XIRP2: variants seen among roughly 807,000 people sequenced by gnomAD.
XIRP2 encodes the protein xin actin binding repeat containing 2.
In XIRP2, 236 loss-of-function variants were observed where a neutral mutation model predicts 277.0. That is an observed-to-expected ratio of 0.85 (90% CI 0.77 to 0.95). The LOEUF (loss-of-function observed/expected upper bound fraction) is 0.95, where lower values mean the gene tolerates loss of function less well. Among genes scored for constraint, XIRP2 ranks in the 40% least tolerant of loss-of-function variants. The pLI is 0.00. For synonymous variants in XIRP2, 1,490 were observed against 1,416.5 expected (o/e 1.05, Z -1.17); for missense variants, 4,640 against 4,157.5 (o/e 1.12, Z -3.19).
At position 167,243,853 on chromosome 2, in the gene XIRP2, A is replaced by T; in HGVS notation, c.2461A>T (p.Lys821Ter). The change falls in exon 9 of 11, where the codon AAA (lysine) becomes TAA (stop). Residue 821 changes from lysine to a stop codon, truncating the protein, a stop_gained. Coordinates refer to ENST00000409195, the MANE Select transcript of XIRP2 (RefSeq NM_152381.6). LOFTEE classifies it high-confidence loss of function. ...LFETQPLEKI[K>*]ESEEVIIEKE... Reference sequence around the variant, plus strand: ...TGAAACCCAACCTTTGGAGAAAATCAAAGAGTCAGAAGAGGTCATCATTGA... The same window carrying T: ...TGAAACCCAACCTTTGGAGAAAATCTAAGAGTCAGAAGAGGTCATCATTGA... 6.2e-7 allele frequency: 1 copy of T among 1,613,982 alleles called. No individual in the cohort carries two copies. The highest frequency in any genetic ancestry group is 8.5e-7 in the Non-Finnish European group (1 of 1,179,946).
At chr2:167,208,310 C>CT (rs890586515) in intron 3 of XIRP2, among the ~76,000 whole-genome samples, 2 of 151,934 alleles carry the variant, frequency 1.3e-5, no homozygotes, top group African/African-American at 2.4e-5. Context: ...TTATCATTCC[C>CT]TTTTTTTTGA....
At chr2:167,082,871 C>T (rs1025455550) in intron 2 of XIRP2, among the ~76,000 whole-genome samples, 6 of 151,978 alleles carry the variant, frequency 3.9e-5, no homozygotes, top group African/African-American at 1.5e-4. Context: ...AGGTTGTGAA[C>T]ATTTTCTCCC....
chr2:167,187,025 CTTGACTCTTAAAAGA>C (rs1401194023), intron 3 of XIRP2, among the ~76,000 whole-genome samples: 3 of 152,096 alleles, frequency 2.0e-5, no homozygotes, highest in Non-Finnish European at 4.4e-5. Flanking sequence ...TTTTCATATT[CTTGACTCTTAAAAGA>C]TTGAAAGTAT....
At chr2:166,929,068 A>G (rs1180834730) in intron 2 of XIRP2, among the ~76,000 whole-genome samples, 1 of 152,110 alleles carries the variant, frequency 6.6e-6, no homozygotes, top group African/African-American at 2.4e-5. Flanking sequence ...ATCCCCAACC[A>G]GCAGCCTCAG....
intron 2 of XIRP2, among the ~76,000 whole-genome samples, chr2:167,007,703 TCACACACACA>T (rs57336666): frequency 4.2e-4 from 55 of 130,152 alleles, no homozygotes; most frequent in South Asian, 1.7e-3. Flanking sequence ...TCTCTCTCTC[TCACACACACA>T]CACACACACA....
At chr2:167,165,561 CATT>C (rs1404099076) in intron 3 of XIRP2, among the ~76,000 whole-genome samples, 4 of 152,152 alleles carry the variant, frequency 2.6e-5, no homozygotes, top group African/African-American at 7.2e-5. Context: ...AGTGTTCTCT[CATT>C]GTTGTTTTAA....
At chr2:167,179,514 G>A (rs1055759688) in intron 3 of XIRP2, among the ~76,000 whole-genome samples, 1 of 151,954 alleles carries the variant, frequency 6.6e-6, no homozygotes, top group East Asian at 1.9e-4. Flanking sequence ...TAGTGACAGG[G>A]TTTCACCGTA....
At chr2:167,107,972 A>G (rs1690656351) in intron 2 of XIRP2, among the ~76,000 whole-genome samples, 1 of 151,734 alleles carries the variant, frequency 6.6e-6, no homozygotes, top group Non-Finnish European at 1.5e-5. Context: ...GTGCATTTCA[A>G]TGAATTAGTT....
At chr2:166,919,514 C>T (rs1403787051) in intron 2 of XIRP2, among the ~76,000 whole-genome samples, 1 of 152,172 alleles carries the variant, frequency 6.6e-6, no homozygotes, top group African/African-American at 2.4e-5. Context: ...AATTAATCAA[C>T]ATGTTCTGAT....
intron 1 of XIRP2, among the ~76,000 whole-genome samples, chr2:166,895,614 G>A (rs535688331): frequency 2.0e-5 from 3 of 152,254 alleles, no homozygotes; most frequent in Admixed American, 6.5e-5. Flanking sequence ...TGCCACCTAC[G>A]TAGTCCCTTT....
intron 2 of XIRP2, among the ~76,000 whole-genome samples, chr2:167,082,371 G>C (rs1277637614): frequency 6.6e-6 from 1 of 152,038 alleles, no homozygotes; most frequent in East Asian, 1.9e-4. Flanking sequence ...TTGGTTCCAA[G>C]TCTTTGCTAT....
At position 167,210,840 on chromosome 2, in the gene XIRP2, T is replaced by C. The variant is rs745877847; in HGVS notation, c.668T>C (p.Met223Thr). The change falls in exon 4 of 11, where the codon ATG (methionine) becomes ACG (threonine). Residue 223 changes from methionine to threonine, a missense_variant. Met to Thr is a moderately conservative substitution (Grantham distance 81). Coordinates refer to ENST00000409195, the MANE Select transcript of XIRP2 (RefSeq NM_152381.6). ...LHEVVSLKER[M>T]ARYQAAVSRG... Reference sequence around the variant, plus strand: ...GAAGTGGTCTCCCTGAAGGAGCGGATGGCGAGGTACCAGGCAGCTGTTTCC... The same window carrying C: ...GAAGTGGTCTCCCTGAAGGAGCGGACGGCGAGGTACCAGGCAGCTGTTTCC... 1.9e-6 allele frequency: 3 copies of C among 1,614,164 alleles called. No individual in the cohort carries two copies. The Admixed American group carries it at 5.0e-5, about 27-fold the overall frequency.
chr2:167,142,319 G>A (rs945931945), intron 3 of XIRP2, among the ~76,000 whole-genome samples: 1 of 152,118 alleles, frequency 6.6e-6, no homozygotes, highest in African/African-American at 2.4e-5. Context: ...GGAGGCCAAG[G>A]TGGGCAGATC....
At position 166,945,519 on chromosome 2, in the gene XIRP2, G is replaced by A. The variant is rs573316807; in HGVS notation, c.408+41629G>A. ...CTAATTAAATTTTTATAAAAGTAACGTATCGGAAAGACAGCGGTAACCCAA... is the reference window on the plus strand; with the variant it reads ...CTAATTAAATTTTTATAAAAGTAACATATCGGAAAGACAGCGGTAACCCAA... On this transcript the variant is annotated intron_variant, in intron 2 of 10. Transcript: ENST00000409195. Among the ~76,000 whole-genome samples, 527 of 152,028 alleles carry A rather than the reference G, an allele frequency of 3.5e-3. 1 individual carries two copies. The highest frequency in any genetic ancestry group is 5.3e-3 in the Non-Finnish European group (359 of 67,998).
chr2:167,142,578 AAAG>A (rs1691752518), intron 3 of XIRP2, among the ~76,000 whole-genome samples: 1 of 152,056 alleles, frequency 6.6e-6, no homozygotes, highest in Non-Finnish European at 1.5e-5. Context: ...AAATAAAAAA[AAAG>A]AGAGAAAGAA....
At chr2:167,014,866 A>C (rs1400192955) in intron 2 of XIRP2, among the ~76,000 whole-genome samples, 1 of 151,772 alleles carries the variant, frequency 6.6e-6, no homozygotes, top group Non-Finnish European at 1.5e-5. Flanking sequence ...ATGGCTAATA[A>C]GTAATGGGGC....
chr2:167,202,161 G>A (rs1402001941), intron 3 of XIRP2, among the ~76,000 whole-genome samples: 1 of 152,042 alleles, frequency 6.6e-6, no homozygotes, highest in African/African-American at 2.4e-5. Flanking sequence ...ACACTCTACA[G>A]GCATTTGTAA....
intron 5 of XIRP2, among the ~76,000 whole-genome samples, chr2:167,237,707 A>G (rs1694942163): frequency 6.6e-6 from 1 of 152,194 alleles, no homozygotes; most frequent in African/African-American, 2.4e-5. Flanking sequence ...ACATGATTCT[A>G]TAGAAATGAT....
intron 2 of XIRP2, among the ~76,000 whole-genome samples, chr2:167,022,779 T>G (rs1173792077): frequency 1.3e-5 from 2 of 152,206 alleles, no homozygotes; most frequent in Non-Finnish European, 2.9e-5. Flanking sequence ...GGACATGAAC[T>G]CATCCTTTTT....
Sources: gnomAD v4.1 joint callset for allele counts (sites outside exome capture counted in the v4.1 genomes callset) on GRCh38, gnomAD v4.1.1 for gene constraint, MANE v1.5 for transcripts, NCBI Gene and HGNC (gene_info 2026-07-23, HGNC 2026-07-21) for gene names.